SETBP1: variants seen among roughly 807,000 people sequenced by gnomAD.
SETBP1 encodes the protein SET binding protein 1.
A neutral mutation model predicts 101.0 loss-of-function variants in SETBP1; 9 were observed. That is an observed-to-expected ratio of 0.09 (90% CI 0.05 to 0.16). The LOEUF (loss-of-function observed/expected upper bound fraction) is 0.16, where lower values mean the gene tolerates loss of function less well. SETBP1 is among the 10% of genes least tolerant of loss of function. The pLI is 1.00. For synonymous variants in SETBP1, 818 were observed against 788.5 expected (o/e 1.04, Z -0.63); for missense variants, 1,858 against 2,033.8 (o/e 0.91, Z 1.66).
At chr18:44,753,700 A>C (rs1274942510) in intron 2 of SETBP1, among the ~76,000 whole-genome samples, 3 of 152,230 alleles carry the variant, frequency 2.0e-5, no homozygotes, top group Non-Finnish European at 4.4e-5. Flanking sequence ...GAATGTTGAC[A>C]TGGGTGGAAA....
intron 2 of SETBP1, among the ~76,000 whole-genome samples, chr18:44,703,613 T>C (rs2144213807): frequency 1.3e-5 from 2 of 152,140 alleles, no homozygotes; most frequent in South Asian, 4.2e-4. Flanking sequence ...ATCCAGGAAT[T>C]GCCCCAGTTC....
At chr18:44,827,777 G>C (rs1174831529) in intron 2 of SETBP1, among the ~76,000 whole-genome samples, 1 of 152,282 alleles carries the variant, frequency 6.6e-6, no homozygotes, top group Non-Finnish European at 1.5e-5. Flanking sequence ...AATGGCACAG[G>C]TTTAGTATTG....
intron 2 of SETBP1, among the ~76,000 whole-genome samples, chr18:44,835,294 T>A (rs908362765): frequency 6.6e-6 from 1 of 152,054 alleles, no homozygotes; most frequent in Non-Finnish European, 1.5e-5. Context: ...CGGTGCATTT[T>A]ATCAATATCA....
chr18:44,697,411 T>C (rs1277304913), intron 1 of SETBP1: 2 of 152,272 alleles, frequency 1.3e-5, no homozygotes, highest in Non-Finnish European at 2.9e-5. Context: ...GGGTCACATA[T>C]GGACACCAGG....
intron 2 of SETBP1, among the ~76,000 whole-genome samples, chr18:44,800,023 T>C (rs1424305415): frequency 6.6e-6 from 1 of 152,182 alleles, no homozygotes; most frequent in Admixed American, 6.5e-5. Context: ...CAGCTGTTCA[T>C]GACTGACAAA....
At chr18:45,038,743 AG>A in intron 5 of SETBP1, 88 bp downstream of exon 5, 1 of 1,425,098 alleles carries the variant, frequency 7.0e-7, no homozygotes, top group Non-Finnish European at 9.8e-7. Flanking sequence ...AATACAGGTA[AG>A]AGTTCTCTGT....
intron 4 of SETBP1, among the ~76,000 whole-genome samples, chr18:45,020,844 A>G (rs1354969465): frequency 6.6e-6 from 1 of 152,240 alleles, no homozygotes; most frequent in Admixed American, 6.5e-5. Context: ...CTTTCCAGAC[A>G]TCAGTGCAAT....
intron 2 of SETBP1, among the ~76,000 whole-genome samples, chr18:44,787,197 T>A (rs1261502011): frequency 1.3e-5 from 2 of 152,178 alleles, no homozygotes; most frequent in African/African-American, 4.8e-5. Flanking sequence ...AGGGTGCTGG[T>A]GTGTAGGCAG....
chr18:44,812,898 G>A (rs1363631106), intron 2 of SETBP1, among the ~76,000 whole-genome samples: 1 of 152,170 alleles, frequency 6.6e-6, no homozygotes, highest in Non-Finnish European at 1.5e-5. Flanking sequence ...TTTCCTTGAT[G>A]TGAAAACCTC....
intron 2 of SETBP1, among the ~76,000 whole-genome samples, chr18:44,772,871 G>T (rs2070906508): frequency 6.6e-6 from 1 of 152,138 alleles, no homozygotes; most frequent in Admixed American, 6.5e-5. Flanking sequence ...ATCTTAACAT[G>T]ATTCCTCCTT....
intron 4 of SETBP1, among the ~76,000 whole-genome samples, chr18:44,978,087 C>G (rs1182704986): frequency 6.6e-6 from 1 of 152,122 alleles, no homozygotes; most frequent in Non-Finnish European, 1.5e-5. Flanking sequence ...GGGTTGCAAC[C>G]AGCCCACAGG....
chr18:44,868,054 A>G (rs762771286), intron 2 of SETBP1, among the ~76,000 whole-genome samples: 2 of 152,204 alleles, frequency 1.3e-5, no homozygotes, highest in Non-Finnish European at 1.5e-5. Flanking sequence ...CTTTCCCAGC[A>G]TTTATTATAA....
At chr18:45,028,717 A>G (rs2073225026) in intron 4 of SETBP1, among the ~76,000 whole-genome samples, 1 of 152,106 alleles carries the variant, frequency 6.6e-6, no homozygotes, top group South Asian at 2.1e-4. Context: ...CTGTTGTGAG[A>G]TGGTATCTCA....
At chr18:44,913,285 A>C (rs1415964532) in intron 3 of SETBP1, among the ~76,000 whole-genome samples, 4 of 152,240 alleles carry the variant, frequency 2.6e-5, no homozygotes, top group African/African-American at 9.6e-5. Context: ...AGGGGCAAGC[A>C]TGTCAGGACT....
At chr18:44,852,732 C>A (rs2072897550) in intron 2 of SETBP1, among the ~76,000 whole-genome samples, 1 of 152,042 alleles carries the variant, frequency 6.6e-6, no homozygotes, top group Non-Finnish European at 1.5e-5. Context: ...CCTTTGATAC[C>A]CATTCTGGTT....
rs1264895266 is a variant in SETBP1 at position 44,930,977 on chromosome 18, C to T, written c.541-18904C>T. On this transcript the variant is annotated intron_variant, in intron 3 of 5. Coordinates refer to ENST00000649279, the MANE Select transcript of SETBP1 (RefSeq NM_015559.3). ...GATCTTAGTTATTTCTTGCCTTCTG[C>T]TAGCTTTTGAATGTATTTGCTCTTG... 2.0e-5 allele frequency among the ~76,000 whole-genome samples: 3 copies of T among 152,110 alleles called. 1 individual carries two copies. The highest frequency in any genetic ancestry group is 4.1e-4 in the South Asian group (2 of 4,826).
At chr18:44,903,423 C>A (rs948818046) in intron 3 of SETBP1, among the ~76,000 whole-genome samples, 1 of 152,134 alleles carries the variant, frequency 6.6e-6, no homozygotes, top group Admixed American at 6.6e-5. Flanking sequence ...TTTCGCTTAT[C>A]AGCCAACTAA....
chr18:44,903,766 T>C (rs1027266965), intron 3 of SETBP1, among the ~76,000 whole-genome samples: 11 of 152,194 alleles, frequency 7.2e-5, no homozygotes, highest in Non-Finnish European at 5.9e-5. Flanking sequence ...CAAACAGTCA[T>C]CAGACCCAGT....
At chr18:44,920,415 A>C (rs1037669212) in intron 3 of SETBP1, among the ~76,000 whole-genome samples, 2 of 152,184 alleles carry the variant, frequency 1.3e-5, no homozygotes, top group African/African-American at 4.8e-5. Context: ...TTTTTGCTCA[A>C]AAAATATTTG....
Sources: allele counts gnomAD v4.1 joint callset (sites outside exome capture counted in the v4.1 genomes callset), GRCh38; gene constraint gnomAD v4.1.1; transcripts MANE v1.5; gene names NCBI Gene and HGNC (gene_info 2026-07-23, HGNC 2026-07-21).